NPAS3: variants seen among roughly 807,000 people sequenced by gnomAD.
NPAS3 encodes the protein neuronal PAS domain-containing protein 3.
NPAS3 carries 14 observed loss-of-function variants against 73.1 expected under a neutral mutation model. The observed-to-expected ratio is 0.19, with a 90% CI of 0.13 to 0.30. The LOEUF (loss-of-function observed/expected upper bound fraction) is 0.30. Ranked by LOEUF, NPAS3 falls within the 10% of genes least tolerant of loss-of-function variation. The probability of loss-of-function intolerance (pLI) is 1.00; values close to 1 mark genes in which losing one functional copy is unlikely to be tolerated. For missense variants in NPAS3, 1,096 were observed against 1,250.0 expected (o/e 0.88, Z 1.86); for synonymous variants, 620 against 541.5 (o/e 1.14, Z -2.01).
At chr14:33,356,232 A>G (rs994908098) in intron 3 of NPAS3, among the ~76,000 whole-genome samples, 4 of 152,246 alleles carry the variant, frequency 2.6e-5, no homozygotes, top group African/African-American at 9.6e-5. Context: ...GAAAACAAAT[A>G]AAAATGACTG....
intron 3 of NPAS3, among the ~76,000 whole-genome samples, chr14:33,331,605 T>A (rs1448420933): frequency 6.6e-6 from 1 of 151,970 alleles, no homozygotes; most frequent in Non-Finnish European, 1.5e-5. Flanking sequence ...TATTACTGTT[T>A]CTGGGACTCC....
chr14:33,262,795 A>AT (rs776545646), intron 3 of NPAS3, among the ~76,000 whole-genome samples: 9 of 152,160 alleles, frequency 5.9e-5, no homozygotes, highest in Non-Finnish European at 1.0e-4. Flanking sequence ...AAAGTAACTG[A>AT]TTTTTTAATG....
chr14:33,609,022 G>A (rs548034483), intron 5 of NPAS3, among the ~76,000 whole-genome samples: 1 of 152,266 alleles, frequency 6.6e-6, no homozygotes, highest in South Asian at 2.1e-4. Context: ...ACTACAGTGG[G>A]AATATTTTTT....
downstream of NPAS3, chr14:33,801,178 C>T: frequency 6.6e-7 from 1 of 1,523,972 alleles, no homozygotes; most frequent in Non-Finnish European, 8.8e-7. Context: ...TCGTTTAGAC[C>T]TTTAATTCTA....
At chr14:33,184,985 G>A (rs559271395) in intron 2 of NPAS3, among the ~76,000 whole-genome samples, 1 of 152,106 alleles carries the variant, frequency 6.6e-6, no homozygotes, top group Non-Finnish European at 1.5e-5. Context: ...TCTTGTGACT[G>A]TTATCCAGTT....
intron 1 of NPAS3, among the ~76,000 whole-genome samples, chr14:33,038,931 G>A (rs926452158): frequency 6.6e-6 from 1 of 152,194 alleles, no homozygotes; most frequent in African/African-American, 2.4e-5. Flanking sequence ...AGTTTGGTAT[G>A]AAATGATTCT....
chr14:33,573,750 GC>G (rs2056325570), intron 5 of NPAS3, among the ~76,000 whole-genome samples: 1 of 152,102 alleles, frequency 6.6e-6, no homozygotes, highest in Non-Finnish European at 1.5e-5. Flanking sequence ...AGGGAAAAGT[GC>G]AATATTAGAT....
intron 7 of NPAS3, among the ~76,000 whole-genome samples, chr14:33,746,199 A>ATTTTTTTTT (rs1555326917): frequency 1.2e-4 from 18 of 149,026 alleles, no homozygotes; most frequent in African/African-American, 4.3e-4. Context: ...TTATTTATTT[A>ATTTTTTTTT]TTTTTTTGAG....
chr14:33,194,572 T>C (rs867295793), intron 2 of NPAS3, among the ~76,000 whole-genome samples: 3 of 152,224 alleles, frequency 2.0e-5, no homozygotes, highest in Non-Finnish European at 1.5e-5. Context: ...GTTGCCTTTT[T>C]CTTAGTATTT....
chr14:33,260,092 G>A (rs1426458793), intron 3 of NPAS3, among the ~76,000 whole-genome samples: 1 of 152,054 alleles, frequency 6.6e-6, no homozygotes, highest in African/African-American at 2.4e-5. Context: ...ACCATCTTAC[G>A]TGTATATAAG....
At chr14:33,791,694 T>G (rs529614660) in intron 9 of NPAS3, among the ~76,000 whole-genome samples, 1 of 152,328 alleles carries the variant, frequency 6.6e-6, no homozygotes, top group Admixed American at 6.5e-5. Context: ...AATTTGATAT[T>G]ATAACTCCTT....
At chr14:33,684,491 T>G (rs2060032964) in intron 6 of NPAS3, among the ~76,000 whole-genome samples, 1 of 151,994 alleles carries the variant, frequency 6.6e-6, no homozygotes, top group African/African-American at 2.4e-5. Context: ...AGAGATGGGG[T>G]TTCACCGTGT....
intron 4 of NPAS3, among the ~76,000 whole-genome samples, chr14:33,442,741 T>C (rs1381202415): frequency 6.6e-6 from 1 of 152,252 alleles, no homozygotes; most frequent in African/African-American, 2.4e-5. Flanking sequence ...TTAAACATCT[T>C]TATTTTATAA....
At chr14:33,099,007 C>T (rs908076852) in intron 2 of NPAS3, among the ~76,000 whole-genome samples, 39 of 152,140 alleles carry the variant, frequency 2.6e-4, no homozygotes, top group African/African-American at 8.2e-4. Context: ...TCCGTGGAGC[C>T]GAGTCTATCC....
At chr14:33,073,524 G>T (rs1015711806) in intron 2 of NPAS3, among the ~76,000 whole-genome samples, 1 of 152,176 alleles carries the variant, frequency 6.6e-6, no homozygotes, top group African/African-American at 2.4e-5. Flanking sequence ...TTCTGTACAA[G>T]TCCAGAGAGC....
intron 2 of NPAS3, among the ~76,000 whole-genome samples, chr14:33,140,450 A>C (rs1357456155): frequency 6.6e-6 from 1 of 152,228 alleles, no homozygotes; most frequent in African/African-American, 2.4e-5. Flanking sequence ...CCATTGTGTA[A>C]GTGGGTTATC....
intron 4 of NPAS3, among the ~76,000 whole-genome samples, chr14:33,432,339 T>C (rs904960242): frequency 6.6e-6 from 1 of 152,204 alleles, no homozygotes; most frequent in Non-Finnish European, 1.5e-5. Context: ...TTACACAGCT[T>C]GTGAGGACTT....
At chr14:33,075,010 T>C (rs954864792) in intron 2 of NPAS3, among the ~76,000 whole-genome samples, 1 of 152,242 alleles carries the variant, frequency 6.6e-6, no homozygotes, top group African/African-American at 2.4e-5. Flanking sequence ...TCTGCTTCAG[T>C]ATATAAGCTC....
At chr14:33,708,199 A>G (rs2060712681) in intron 6 of NPAS3, among the ~76,000 whole-genome samples, 2 of 152,168 alleles carry the variant, frequency 1.3e-5, no homozygotes, top group Admixed American at 6.5e-5. Context: ...GTGAGCCCAG[A>G]ACAGACCTCT....
Sources: allele counts gnomAD v4.1 joint callset (sites outside exome capture counted in the v4.1 genomes callset), GRCh38; gene constraint gnomAD v4.1.1; transcripts MANE v1.5; gene names NCBI Gene and HGNC (gene_info 2026-07-23, HGNC 2026-07-21).